The following IL1RAPL1 variants were observed in gnomAD, a reference collection of about 807,000 sequenced individuals.
The protein encoded by IL1RAPL1 is interleukin 1 receptor accessory protein like 1.
In IL1RAPL1, 3 loss-of-function variants were observed where a neutral mutation model predicts 48.4. The observed-to-expected ratio is 0.06, with a 90% CI of 0.03 to 0.16. The LOEUF (loss-of-function observed/expected upper bound fraction) is 0.16. Among genes scored for constraint, IL1RAPL1 ranks in the 10% least tolerant of loss-of-function variants. The pLI is 1.00. For missense variants in IL1RAPL1, 349 were observed against 530.6 expected (o/e 0.66, Z 3.36); for synonymous variants, 185 against 187.7 (o/e 0.99, Z 0.12).
intron 6 of IL1RAPL1, among the ~76,000 whole-genome samples, chrX:29,772,453 TG>T (rs2147152024): frequency 9.0e-6 from 1 of 110,657 alleles, no homozygotes; most frequent in African/African-American, 3.3e-5. Context: ...CATCTGTAAA[TG>T]TGTATGTTTG....
chrX:29,671,144 A>G (rs770170876), intron 6 of IL1RAPL1, among the ~76,000 whole-genome samples: 1 of 112,232 alleles, frequency 8.9e-6, no homozygotes, highest in African/African-American at 3.2e-5. Context: ...TTTGCTCACA[A>G]ATATATGTAA....
chrX:29,285,106 G>A (rs1376207345), intron 3 of IL1RAPL1, among the ~76,000 whole-genome samples: 1 of 111,520 alleles, frequency 9.0e-6, no homozygotes, highest in African/African-American at 3.3e-5. Context: ...ACTACATTTC[G>A]TCACTTATTA....
chrX:29,802,956 T>C (rs373274760), intron 6 of IL1RAPL1, among the ~76,000 whole-genome samples: 1,564 of 49,956 alleles, frequency 0.031, 257 homozygotes, highest in East Asian at 0.039. Flanking sequence ...TGCATATATG[T>C]ATACATGTGT....
chrX:29,279,278 A>T (rs928090765), intron 2 of IL1RAPL1, among the ~76,000 whole-genome samples: 1 of 111,003 alleles, frequency 9.0e-6, no homozygotes, highest in Non-Finnish European at 1.9e-5. Context: ...TCTACTAAAA[A>T]TACAAAAATT....
intron 2 of IL1RAPL1, among the ~76,000 whole-genome samples, chrX:28,969,585 A>G (rs1925004451): frequency 9.1e-6 from 1 of 109,754 alleles, no homozygotes; most frequent in Admixed American, 9.9e-5. Context: ...ATTAATTCCT[A>G]TGATGATGTT....
intron 2 of IL1RAPL1, among the ~76,000 whole-genome samples, chrX:29,189,177 G>T (rs1282364950): frequency 8.9e-6 from 1 of 112,135 alleles, no homozygotes; most frequent in Non-Finnish European, 1.9e-5. Context: ...CAGAATATAA[G>T]ATGTGTCTGT....
At chrX:28,678,846 C>T (rs1442811635) in intron 1 of IL1RAPL1, among the ~76,000 whole-genome samples, 2 of 112,212 alleles carry the variant, frequency 1.8e-5, no homozygotes, top group African/African-American at 6.5e-5. Context: ...ATGTGCAATT[C>T]AATGTGTGTT....
At chrX:28,800,962 A>G (rs1347163988) in intron 2 of IL1RAPL1, among the ~76,000 whole-genome samples, 2 of 107,812 alleles carry the variant, frequency 1.9e-5, no homozygotes, top group Non-Finnish European at 3.8e-5. Context: ...GCTCACTGCA[A>G]CCTCCACCTC....
At chrX:29,459,524 T>C (rs887757973) in intron 5 of IL1RAPL1, among the ~76,000 whole-genome samples, 5 of 111,164 alleles carry the variant, frequency 4.5e-5, no homozygotes, top group Non-Finnish European at 1.9e-5. Context: ...AGCGAGCGGA[T>C]TGGAAGAGTG....
chrX:29,599,441 G>T (rs1349002334), intron 5 of IL1RAPL1, among the ~76,000 whole-genome samples: 1 of 111,802 alleles, frequency 8.9e-6, no homozygotes, highest in East Asian at 2.8e-4. Flanking sequence ...TTGCCTCACA[G>T]CTCGTAAGAT....
intron 5 of IL1RAPL1, among the ~76,000 whole-genome samples, chrX:29,572,771 C>CTA (rs1922636027): frequency 8.9e-6 from 1 of 111,973 alleles, no homozygotes; most frequent in Admixed American, 9.5e-5. Context: ...AAAATGAAAA[C>CTA]TATTTCAAAC....
At chrX:28,840,136 A>G (rs904468133) in intron 2 of IL1RAPL1, among the ~76,000 whole-genome samples, 1 of 110,577 alleles carries the variant, frequency 9.0e-6, no homozygotes, top group Non-Finnish European at 1.9e-5. Flanking sequence ...GGCACTTTAT[A>G]TAGGAGTAAA....
intron 2 of IL1RAPL1, among the ~76,000 whole-genome samples, chrX:28,952,571 G>A (rs1924498774): frequency 9.1e-6 from 1 of 110,370 alleles, no homozygotes; most frequent in African/African-American, 3.3e-5. Flanking sequence ...TTATTTTTAT[G>A]TTTTTTTTCC....
At chrX:29,522,312 A>G (rs1452723153) in intron 5 of IL1RAPL1, among the ~76,000 whole-genome samples, 1 of 110,524 alleles carries the variant, frequency 9.0e-6, no homozygotes, top group Non-Finnish European at 1.9e-5. Flanking sequence ...GGTGCATACC[A>G]CCACACTTGG....
chrX:29,573,763 C>A (rs1922673309), intron 5 of IL1RAPL1, among the ~76,000 whole-genome samples: 1 of 112,181 alleles, frequency 8.9e-6, no homozygotes, highest in Non-Finnish European at 1.9e-5. Context: ...TTAACAAAAT[C>A]ATGTTGCAAG....
chrX:28,656,545 A>T (rs777043571), intron 1 of IL1RAPL1, among the ~76,000 whole-genome samples: 1 of 110,451 alleles, frequency 9.1e-6, no homozygotes, highest in South Asian at 3.9e-4. Context: ...CTTGTCATAA[A>T]GCCCCATCAC....
At chrX:29,795,225 T>TTACATATTACATCTATATCTGA (rs749686289) in intron 6 of IL1RAPL1, among the ~76,000 whole-genome samples, 10 of 111,876 alleles carry the variant, frequency 8.9e-5, no homozygotes, top group African/African-American at 2.9e-4. Flanking sequence ...TATCTATCTA[T>TTACATATTACATCTATATCTGA]TACATATTTA....
intron 1 of IL1RAPL1, among the ~76,000 whole-genome samples, chrX:28,724,564 G>A (rs1449395600): frequency 9.0e-6 from 1 of 111,460 alleles, no homozygotes; most frequent in Non-Finnish European, 1.9e-5. Context: ...GCCAGTCTGT[G>A]TCTTTTAACT....
chrX:29,179,889 A>G (rs1313352908), intron 2 of IL1RAPL1, among the ~76,000 whole-genome samples: 1 of 111,399 alleles, frequency 9.0e-6, no homozygotes, highest in African/African-American at 3.3e-5. Flanking sequence ...CTAAAAGACA[A>G]AAGTATCCGA....
Sources: allele counts gnomAD v4.1 joint callset (sites outside exome capture counted in the v4.1 genomes callset), GRCh38; gene constraint gnomAD v4.1.1; transcripts MANE v1.5; gene names NCBI Gene and HGNC (gene_info 2026-07-23, HGNC 2026-07-21).